SAE1: variants seen among roughly 807,000 people sequenced by gnomAD.
SAE1 encodes SUMO1 activating enzyme subunit 1.
SAE1 carries 11 observed loss-of-function variants against 40.6 expected under a neutral mutation model. The ratio of observed to expected loss-of-function variants is 0.27; its 90% CI spans 0.17 to 0.45. SAE1 has a LOEUF of 0.45. Ranked by LOEUF, SAE1 falls within the 20% of genes least tolerant of loss-of-function variation. The pLI is 1.00. For synonymous variants in SAE1, 155 were observed against 154.3 expected, an observed-to-expected ratio of 1.00 and a Z score of -0.03; for missense variants, 373 against 427.3, an observed-to-expected ratio of 0.87 and a Z score of 1.12.
At chr19:47,197,193 A>AT (rs1259201327) in intron 6 of SAE1, 40 bp from the exon 7 acceptor site, 21 of 1,569,690 alleles carry the variant, frequency 1.3e-5, no homozygotes, top group Non-Finnish European at 1.6e-5. Context: ...AAAAAAAAAA[A>AT]AAGTGGCTTT....
At chr19:47,180,507 C>T (rs1487990914) in intron 6 of SAE1, among the ~76,000 whole-genome samples, 2 of 152,146 alleles carry the variant, frequency 1.3e-5, no homozygotes, top group Non-Finnish European at 2.9e-5. Flanking sequence ...GAACAGTTTG[C>T]GGTGAAACAG....
intron 3 of SAE1, among the ~76,000 whole-genome samples, chr19:47,151,882 G>A (rs146944316): frequency 1.3e-5 from 2 of 152,338 alleles, no homozygotes; most frequent in Non-Finnish European, 2.9e-5. Flanking sequence ...CATGTTGACC[G>A]CCTTGCAGGC....
At chr19:47,151,859 G>C (rs530784847) in intron 3 of SAE1, among the ~76,000 whole-genome samples, 1 of 152,352 alleles carries the variant, frequency 6.6e-6, no homozygotes, top group African/African-American at 2.4e-5. Flanking sequence ...TGTGTAATGC[G>C]TGTGCATGGG....
intron 8 of SAE1, among the ~76,000 whole-genome samples, chr19:47,207,685 G>GTA (rs1176479496): frequency 6.6e-6 from 1 of 152,044 alleles, no homozygotes; most frequent in Non-Finnish European, 1.5e-5. Context: ...CCAGGCTGGA[G>GTA]TACAGTGGTG....
chr19:47,141,660 T>C lies in SAE1; in HGVS notation c.99-1834T>C, dbSNP rs369113659. ...GGGTTTTGAAGGGGAAAGGCGTAGG[T>C]AGGCATTGAGAGGAAGAAATGGTGC... On this transcript the variant is annotated intron_variant, in intron 1 of 8. Coordinates refer to ENST00000270225, the MANE Select transcript of SAE1 (RefSeq NM_005500.3). Among the ~76,000 whole-genome samples the C allele has an allele frequency of 3.9e-4, 60 of 152,184 alleles. 2 individuals are homozygous for C. In the South Asian group the frequency reaches 0.012, roughly 31 times the overall value.
At chr19:47,181,043 G>A (rs369209902) in intron 6 of SAE1, among the ~76,000 whole-genome samples, 5 of 152,204 alleles carry the variant, frequency 3.3e-5, no homozygotes, top group African/African-American at 4.8e-5. Flanking sequence ...AGGCCCCGGC[G>A]TGGTGGCTCA....
intron 5 of SAE1, among the ~76,000 whole-genome samples, chr19:47,168,124 C>G (rs549612881): frequency 1.3e-5 from 2 of 151,964 alleles, no homozygotes; most frequent in Non-Finnish European, 2.9e-5. Context: ...ACCCAGGACA[C>G]GGAGGTTGCA....
chr19:47,180,213 T>C, intron 6 of SAE1: 1 of 456,302 alleles, frequency 2.2e-6, no homozygotes, highest in South Asian at 1.5e-5. Flanking sequence ...AACGCACTCA[T>C]GCCAAGATGT....
chr19:47,202,586 T>C lies in SAE1; in HGVS notation c.879-1085T>C, dbSNP rs117362995. On this transcript the variant is annotated intron_variant, in intron 7 of 8. Transcript: ENST00000270225. The stretch of plus-strand genomic sequence containing the variant: ...CAGGCATCAGCCACTGAGCCCGCCC[T>C]AATTATACCCGTTTAGATTGTGCAC... 2.4e-4 allele frequency among the ~76,000 whole-genome samples: 36 copies of C among 150,940 alleles called. No individual in the cohort carries two copies. In the East Asian group the frequency reaches 6.8e-3, roughly 29 times the overall value.
At chr19:47,154,479 G>GTTT (rs1568590968) in intron 4 of SAE1, among the ~76,000 whole-genome samples, 5 of 91,720 alleles carry the variant, frequency 5.5e-5, no homozygotes, top group African/African-American at 2.0e-4. Flanking sequence ...ATTAAGTTTG[G>GTTT]CTTTTTTTTT....
intron 6 of SAE1, among the ~76,000 whole-genome samples, chr19:47,194,888 G>T (rs139606797): frequency 6.6e-6 from 1 of 151,694 alleles, no homozygotes; most frequent in African/African-American, 2.4e-5. Context: ...GACTACAGGC[G>T]TGCGCCACCA....
intron 6 of SAE1, among the ~76,000 whole-genome samples, chr19:47,189,753 A>G (rs1400593906): frequency 6.6e-6 from 1 of 152,096 alleles, no homozygotes; most frequent in Non-Finnish European, 1.5e-5. Flanking sequence ...GGGGCCAGCA[A>G]TTAGGGGCTA....
At chr19:47,173,742 T>C (rs1401557603) in intron 6 of SAE1, among the ~76,000 whole-genome samples, 1 of 152,064 alleles carries the variant, frequency 6.6e-6, no homozygotes, top group Non-Finnish European at 1.5e-5. Flanking sequence ...CACTGGATTA[T>C]GCTAAACTCA....
chr19:47,176,176 G>A (rs1344581748), intron 6 of SAE1, among the ~76,000 whole-genome samples: 1 of 152,170 alleles, frequency 6.6e-6, no homozygotes, highest in African/African-American at 2.4e-5. Context: ...TAGGGGAAGA[G>A]CATACATACA....
At chr19:47,165,938 C>T (rs544343366) in intron 5 of SAE1, among the ~76,000 whole-genome samples, 40 of 152,314 alleles carry the variant, frequency 2.6e-4, no homozygotes, top group African/African-American at 8.2e-4. Context: ...TTCCAACTTT[C>T]ACATTTTCAG....
At chr19:47,168,128 G>T (rs984528755) in intron 5 of SAE1, among the ~76,000 whole-genome samples, 15 of 152,156 alleles carry the variant, frequency 9.9e-5, no homozygotes, top group African/African-American at 3.4e-4. Context: ...AGGACACGGA[G>T]GTTGCAGCGA....
At chr19:47,154,278 A>G (rs763143592) in intron 4 of SAE1, among the ~76,000 whole-genome samples, 4 of 150,272 alleles carry the variant, frequency 2.7e-5, no homozygotes, top group African/African-American at 4.9e-5. Context: ...TTTAGCAGAG[A>G]CGGGGTTTCA....
chr19:47,160,698 T>G (rs1173205869), intron 5 of SAE1, among the ~76,000 whole-genome samples: 1 of 147,154 alleles, frequency 6.8e-6, no homozygotes, highest in East Asian at 2.0e-4. Flanking sequence ...CCCAGCCTAA[T>G]TTTTGTATTT....
chr19:47,164,219 A>T (rs2058375993), intron 5 of SAE1, among the ~76,000 whole-genome samples: 1 of 151,878 alleles, frequency 6.6e-6, no homozygotes, highest in Non-Finnish European at 1.5e-5. Flanking sequence ...CCCAGGCTGG[A>T]GTGCAGTGGC....
Sources: gnomAD v4.1 joint callset for allele counts (sites outside exome capture counted in the v4.1 genomes callset) on GRCh38, gnomAD v4.1.1 for gene constraint, MANE v1.5 for transcripts, NCBI Gene and HGNC (gene_info 2026-07-23, HGNC 2026-07-21) for gene names.